The following UNC45B variants were observed in gnomAD, a reference collection of about 807,000 sequenced individuals.
The protein encoded by UNC45B is unc-45 myosin chaperone B, also known as protein unc-45 homolog B.
A neutral mutation model predicts 98.7 loss-of-function variants in UNC45B; 78 were observed. That is an observed-to-expected ratio of 0.79 (90% CI 0.66 to 0.95). UNC45B has a LOEUF of 0.95. UNC45B is among the 40% of genes least tolerant of loss of function. The probability of loss-of-function intolerance (pLI) is 0.00; values close to 1 mark genes in which losing one functional copy is unlikely to be tolerated. For synonymous variants in UNC45B, 462 were observed against 480.4 expected (o/e 0.96, Z 0.50); for missense variants, 1,225 against 1,184.9 (o/e 1.03, Z -0.50).
intron 4 of UNC45B, among the ~76,000 whole-genome samples, chr17:35,151,597 G>A (rs2092019951): frequency 6.6e-6 from 1 of 152,166 alleles, no homozygotes; most frequent in African/African-American, 2.4e-5. Flanking sequence ...CTCTTGGGGT[G>A]TTGGTTTCCT....
intron 13 of UNC45B, among the ~76,000 whole-genome samples, chr17:35,171,712 A>G (rs541121970): frequency 1.4e-4 from 21 of 152,398 alleles, no homozygotes; most frequent in African/African-American, 5.0e-4. Context: ...AAACAGAGCC[A>G]TGATGGACAC....
Position 35,168,204 on chromosome 17 carries a change from C to G in UNC45B, c.1295C>G (p.Ser432Ter). The change falls in exon 10 of 20, where the codon TCA (serine) becomes TGA (stop). Residue 432 changes from serine to a stop codon, truncating the protein, a stop_gained. Coordinates refer to ENST00000394570, the MANE Select transcript of UNC45B (RefSeq NM_001267052.2). LOFTEE classifies it high-confidence loss of function. ...VMEMMVALCG[S>*]ERETDQLVAV... ...GAGATGATGGTGGCACTATGTGGCT[C>G]AGAGCGCGAGACGGACCAGCTGGTG... 1.2e-6 allele frequency: 2 copies of G among 1,603,230 alleles called. No individual in the cohort carries two copies. Among genetic ancestry groups the G allele is most frequent in the Non-Finnish European group, 1.7e-6 (2 of 1,174,396 alleles).
intron 13 of UNC45B, among the ~76,000 whole-genome samples, chr17:35,172,347 T>G (rs1272236678): frequency 6.6e-6 from 1 of 152,074 alleles, no homozygotes; most frequent in Non-Finnish European, 1.5e-5. Flanking sequence ...CCTCCCAGGT[T>G]CAAGTGATTC....
Position 35,174,348 on chromosome 17 carries a change from A to C in UNC45B, c.1937A>C (p.Gln646Pro), listed in dbSNP as rs1334593579. The C allele has an allele frequency of 6.2e-7, 1 of 1,614,186 alleles. No individual in the cohort carries two copies. The highest frequency in any genetic ancestry group is 1.7e-5 in the Admixed American group (1 of 60,034). The change falls in exon 14 of 20, where the codon CAG becomes CCG. Residue 646 changes from glutamine (Q) to proline (P), a missense_variant. Gln to Pro is a moderately conservative substitution (Grantham distance 76, BLOSUM62 -1). Transcript: ENST00000394570. ...VKADSAILTD[Q>P]TKELLARVFL... ...GCAGATAGTGCCATCCTCACTGACC[A>C]GACCAAGGAGCTGCTGGCCAGGTGG...
At chr17:35,164,228 A>G (rs1372882090) in intron 9 of UNC45B, 62 bp downstream of exon 9, 16 of 1,500,664 alleles carry the variant, frequency 1.1e-5, no homozygotes, top group Non-Finnish European at 1.4e-5. Flanking sequence ...GCTGTGTAAC[A>G]AATTATCTCA....
chr17:35,176,973 T>C (rs771349379), intron 15 of UNC45B, 44 bp from the exon 16 acceptor site: 1 of 1,522,130 alleles, frequency 6.6e-7, no homozygotes, highest in Admixed American at 1.7e-5. Flanking sequence ...GCGAGAAGCC[T>C]CTGGATGTCT....
chr17:35,183,383 G>T (rs778593998), intron 18 of UNC45B, 44 bp from the exon 19 acceptor site: 2 of 1,479,008 alleles, frequency 1.4e-6, no homozygotes, highest in African/African-American at 2.8e-5. Context: ...AGGCTGGGCA[G>T]ATTGGGGACA....
Position 35,152,922 on chromosome 17 carries a change from G to C in UNC45B, c.411G>C (p.Arg137Ser). 1.2e-6 allele frequency: 2 copies of C among 1,614,098 alleles called. No individual in the cohort carries two copies. Among genetic ancestry groups the C allele is most frequent in the Non-Finnish European group, 1.7e-6 (2 of 1,180,016 alleles). ...GAGTGCAGTTCTCCACAGACTCGAG[G>C]GTACAGAAGATGTTTGAGATCCTCT... The part of the protein sequence containing the change: ...KLRVQFSTDS[R>S]VQKMFEILLD... The change falls in exon 5 of 20, where the codon AGG becomes AGC. Residue 137 changes from arginine (R) to serine (S), a missense_variant. Transcript: ENST00000394570.
intron 11 of UNC45B, 32 bp from the exon 12 acceptor site, chr17:35,170,082 C>T: frequency 6.2e-7 from 1 of 1,601,968 alleles, no homozygotes; most frequent in Non-Finnish European, 8.5e-7. Flanking sequence ...GCCCTGGGCC[C>T]CTTCCCATGT....
At chr17:35,159,634 G>A (rs923895118) in intron 8 of UNC45B, 89 bp downstream of exon 8, 2 of 1,433,752 alleles carry the variant, frequency 1.4e-6, no homozygotes, top group Non-Finnish European at 1.9e-6. Flanking sequence ...TGAGGCTCTT[G>A]AAGGGGTCTT....
chr17:35,166,159 T>C (rs1214213057), intron 9 of UNC45B, among the ~76,000 whole-genome samples: 3 of 148,822 alleles, frequency 2.0e-5, no homozygotes, highest in African/African-American at 7.5e-5. Flanking sequence ...TCTCAGCTAC[T>C]TGGGAAGCTG....
At position 35,159,439 on chromosome 17, in the gene UNC45B, G is replaced by A; in HGVS notation, c.873G>A (p.Val291=). ...HLLDMLVSKK[V]SGQGRDQALN... ...TGGACATGCTAGTCAGCAAGAAGGT[G>A]TCTGGCCAGGGCAGGGATCAGGCGC... The change falls in exon 8 of 20, where the codon GTG becomes GTA. Residue 291 remains valine, a synonymous_variant. Coordinates refer to ENST00000394570, the MANE Select transcript of UNC45B (RefSeq NM_001267052.2). 2 of 1,614,174 alleles carry A rather than the reference G, an allele frequency of 1.2e-6. No individual in the cohort carries two copies.
intron 15 of UNC45B, among the ~76,000 whole-genome samples, 187 bp from the exon 16 acceptor site, chr17:35,176,830 C>T (rs1173430045): frequency 6.6e-6 from 1 of 152,182 alleles, no homozygotes; most frequent in Non-Finnish European, 1.5e-5. Flanking sequence ...TGAATGTGCA[C>T]TGGGAATCAA....
intron 8 of UNC45B, among the ~76,000 whole-genome samples, chr17:35,163,671 A>AT (rs1433009116): frequency 1.3e-5 from 2 of 152,194 alleles, no homozygotes; most frequent in East Asian, 3.8e-4. Context: ...GAGGAAGGGA[A>AT]TATGAAATAG....
intron 18 of UNC45B, among the ~76,000 whole-genome samples, chr17:35,180,947 A>G (rs1220318693): frequency 6.6e-6 from 1 of 152,148 alleles, no homozygotes; most frequent in Non-Finnish European, 1.5e-5. Flanking sequence ...CCATTTCCCT[A>G]AGTTACTTAG....
Position 35,186,341 on chromosome 17 carries a change from G to C in UNC45B, c.2572G>C (p.Asp858His). The change falls in exon 20 of 20, where the codon GAC (aspartate) becomes CAC (histidine). Residue 858 changes from aspartate to histidine, a missense_variant. By Grantham distance (81) the Asp-to-His change is moderately conservative. Coordinates refer to ENST00000394570, the MANE Select transcript of UNC45B (RefSeq NM_001267052.2). ...GATCCTCCAGCGGCTTTGCCTGCAC[G>C]ACCAGCTGTCTGTCCAACACCGGGG... ...LEILQRLCLH[D>H]QLSVQHRGLV... The C allele has an allele frequency of 6.2e-7, 1 of 1,614,108 alleles. No individual in the cohort carries two copies. The highest frequency in any genetic ancestry group is 1.3e-5 in the African/African-American group (1 of 75,030).
At chr17:35,148,861 C>T in intron 2 of UNC45B, 112 bp from the exon 3 acceptor site, 1 of 1,341,648 alleles carries the variant, frequency 7.5e-7, no homozygotes, top group Non-Finnish European at 1.1e-6. Context: ...GGGCCTCTGA[C>T]AGCCTGCAGC....
Position 35,164,139 on chromosome 17 carries a change from T to G in UNC45B, c.1124T>G (p.Phe375Cys), listed in dbSNP as rs1404447152. The G allele has an allele frequency of 1.2e-6, 2 of 1,613,140 alleles. No individual in the cohort carries two copies. The highest frequency in any genetic ancestry group is 1.3e-5 in the African/African-American group (1 of 74,974). ...DLRCDPERDH[F>C]RKICEEYITG... Reference sequence around the variant, plus strand: ...CGCTGTGACCCGGAGCGCGATCACTTCCGCAAGATCTGTGAGGAATATATC... The same window carrying G: ...CGCTGTGACCCGGAGCGCGATCACTGCCGCAAGATCTGTGAGGAATATATC... The change falls in exon 9 of 20, where the codon TTC becomes TGC. Residue 375 changes from phenylalanine to cysteine, a missense_variant. Transcript: ENST00000394570.
rs1364042406 is a variant in UNC45B at position 35,186,542 on chromosome 17, A to C, written c.2773A>C (p.Ile925Leu). 3 of 1,614,104 alleles carry C rather than the reference A, an allele frequency of 1.9e-6. No individual in the cohort carries two copies. Among genetic ancestry groups the C allele is most frequent in the African/African-American group, 2.7e-5 (2 of 74,940 alleles). Residue 925 changes from isoleucine (I) to leucine (L), a missense_variant, in exon 20 of 20, where the codon ATT becomes CTT. Transcript: ENST00000394570. The part of the protein sequence containing the change: ...CLIKCMDYGF[I>L]KPVS ...CATCAAGTGCATGGATTATGGTTTC[A>C]TTAAACCAGTGTCTTAGACAGCGAC...
Sources: gnomAD v4.1 joint callset for allele counts (sites outside exome capture counted in the v4.1 genomes callset) on GRCh38, gnomAD v4.1.1 for gene constraint, MANE v1.5 for transcripts, NCBI Gene and HGNC (gene_info 2026-07-23, HGNC 2026-07-21) for gene names.